TMEM131L: variants seen among roughly 807,000 people sequenced by gnomAD.
TMEM131L encodes the protein transmembrane 131 like.
In TMEM131L, 54 loss-of-function variants were observed where a neutral mutation model predicts 192.2. The ratio of observed to expected loss-of-function variants is 0.28; its 90% CI spans 0.23 to 0.35. The LOEUF (loss-of-function observed/expected upper bound fraction) is 0.35. TMEM131L is among the 10% of genes least tolerant of loss of function. TMEM131L has a pLI of 1.00. For missense variants in TMEM131L, 1,888 were observed against 1,972.9 expected, an observed-to-expected ratio of 0.96 and a Z score of 0.82; for synonymous variants, 701 against 704.9, an observed-to-expected ratio of 0.99 and a Z score of 0.09.
At chr4:153,553,664 A>AC (rs1291935003) in intron 4 of TMEM131L, among the ~76,000 whole-genome samples, 1 of 152,020 alleles carries the variant, frequency 6.6e-6, no homozygotes, top group Non-Finnish European at 1.5e-5. Context: ...GCAAATCCCA[A>AC]CCCTCTTCAT....
chr4:153,547,955 T>C (rs1026405955), intron 3 of TMEM131L, among the ~76,000 whole-genome samples: 1 of 152,264 alleles, frequency 6.6e-6, no homozygotes, highest in African/African-American at 2.4e-5. Flanking sequence ...CTGTCATTAA[T>C]TGCTTTATGC....
At chr4:153,566,494 G>GT (rs1051819981) in intron 7 of TMEM131L, among the ~76,000 whole-genome samples, 5 of 147,454 alleles carry the variant, frequency 3.4e-5, no homozygotes, top group African/African-American at 1.3e-4. Context: ...AATAAAGGTA[G>GT]TTTTGTCTTT....
Position 153,622,946 on chromosome 4 carries a change from C to G in TMEM131L, c.3908C>G (p.Ser1303Cys). ...AAGAAATGTGTGGACAAGTTCTGCT[C>G]CGATTCCAGCTCTGACTGTGGGAGC... The part of the protein sequence containing the change: ...PEKKCVDKFC[S>C]DSSSDCGSSS... Residue 1303 changes from serine to cysteine, a missense_variant, in exon 29 of 35, where the codon TCC becomes TGC. By Grantham distance (112) the Ser-to-Cys change is moderately radical. Transcript: ENST00000409959. The G allele has an allele frequency of 2.5e-6, 4 of 1,614,226 alleles. No individual in the cohort carries two copies. Among genetic ancestry groups the G allele is most frequent in the Non-Finnish European group, 3.4e-6 (4 of 1,180,040 alleles).
intron 28 of TMEM131L, 84 bp from the exon 29 acceptor site, chr4:153,622,814 C>T: frequency 1.4e-6 from 2 of 1,400,606 alleles, no homozygotes; most frequent in South Asian, 2.4e-5. Context: ...GGCCCTACTC[C>T]TCCTGTCACC....
At position 153,467,219 on chromosome 4, in the gene TMEM131L, C is replaced by T; in HGVS notation, c.133C>T (p.Pro45Ser). 6.4e-7 allele frequency: 1 copy of T among 1,551,692 alleles called. No individual in the cohort carries two copies. The highest frequency in any genetic ancestry group is 1.2e-5 in the South Asian group (1 of 84,064). The change falls in exon 2 of 35, where the codon CCG becomes TCG. Residue 45 changes from proline to serine, a missense_variant. Pro to Ser is a moderately conservative substitution (Grantham distance 74, BLOSUM62 -1). Transcript: ENST00000409959. ...PGGAQGQAIE[P>S]LPNVVELWQA... ...TTTTGGTGTTCCTGCAGCGATTGAG[C>T]CGTTGCCGAACGTGGTGGAGCTGTG...
At chr4:153,484,918 G>A (rs1732211928) in intron 3 of TMEM131L, among the ~76,000 whole-genome samples, 1 of 146,842 alleles carries the variant, frequency 6.8e-6, no homozygotes. Context: ...AGGAGATCGA[G>A]ACCATCCTGG....
intron 3 of TMEM131L, among the ~76,000 whole-genome samples, chr4:153,530,560 A>T (rs571727022): frequency 6.6e-6 from 1 of 152,308 alleles, no homozygotes; most frequent in African/African-American, 2.4e-5. Context: ...TCTTCTGTCC[A>T]GGGTAGGCTG....
intron 25 of TMEM131L, among the ~76,000 whole-genome samples, chr4:153,610,303 G>A (rs908457502): frequency 1.3e-5 from 2 of 152,228 alleles, no homozygotes; most frequent in Admixed American, 6.5e-5. Flanking sequence ...AAAGGAAGCA[G>A]TTGATAGTGA....
intron 32 of TMEM131L, chr4:153,633,351 G>A (rs1195131987): frequency 6.6e-6 from 1 of 152,382 alleles, no homozygotes; most frequent in African/African-American, 2.4e-5. Flanking sequence ...CAAGTAACTG[G>A]GACTACAGGT....
chr4:153,577,571 T>C (rs1482834452), intron 7 of TMEM131L, among the ~76,000 whole-genome samples: 1 of 152,154 alleles, frequency 6.6e-6, no homozygotes, highest in Non-Finnish European at 1.5e-5. Flanking sequence ...TGTGTTCCAA[T>C]AAAACTTTGC....
At chr4:153,503,370 A>G (rs1580086926) in intron 3 of TMEM131L, among the ~76,000 whole-genome samples, 1 of 152,324 alleles carries the variant, frequency 6.6e-6, no homozygotes, top group East Asian at 1.9e-4. Context: ...GGTAGGATAG[A>G]GTAGGATAAG....
intron 7 of TMEM131L, among the ~76,000 whole-genome samples, chr4:153,561,164 G>A (rs772150592): frequency 8.5e-5 from 13 of 152,168 alleles, no homozygotes; most frequent in African/African-American, 1.4e-4. Flanking sequence ...CATGTGCTCA[G>A]TGGCCATTTG....
intron 3 of TMEM131L, among the ~76,000 whole-genome samples, chr4:153,476,484 T>C (rs1295973495): frequency 6.6e-6 from 1 of 151,862 alleles, no homozygotes; most frequent in Non-Finnish European, 1.5e-5. Flanking sequence ...GATCACGAGG[T>C]CAGGTGATCA....
intron 7 of TMEM131L, among the ~76,000 whole-genome samples, chr4:153,573,652 A>G (rs1729742509): frequency 6.6e-6 from 1 of 152,178 alleles, no homozygotes; most frequent in African/African-American, 2.4e-5. Context: ...TTAGTCTCCC[A>G]ATTGTTTTTT....
chr4:153,603,219 T>C, intron 23 of TMEM131L, 84 bp from the exon 24 acceptor site: 1 of 1,176,066 alleles, frequency 8.5e-7, no homozygotes, highest in Non-Finnish European at 1.2e-6. Context: ...TCGTAAATCA[T>C]TCCCCACTCT....
At chr4:153,620,983 G>A (rs1252402954) in intron 27 of TMEM131L, 103 bp downstream of exon 27, 8 of 748,006 alleles carry the variant, frequency 1.1e-5, no homozygotes, top group Middle Eastern at 3.2e-4. Context: ...ATTAGATACC[G>A]ATAATATGAG....
chr4:153,636,214 C>T, intron 34 of TMEM131L, 87 bp from the exon 35 acceptor site: 1 of 1,259,556 alleles, frequency 7.9e-7, no homozygotes, highest in East Asian at 2.4e-5. Flanking sequence ...AACTTGATAG[C>T]ATTGTAGTAT....
Position 153,596,283 on chromosome 4 carries a change from T to G in TMEM131L, c.2021T>G (p.Phe674Cys). 3 of 1,613,948 alleles carry G rather than the reference T, an allele frequency of 1.9e-6. No homozygotes were observed. Among genetic ancestry groups the G allele is most frequent in the Non-Finnish European group, 1.7e-6 (2 of 1,179,842 alleles). The change falls in exon 20 of 35, where the codon TTT becomes TGT. Residue 674 changes from phenylalanine (F) to cysteine (C), a missense_variant. By Grantham distance (205) the Phe-to-Cys change is radical. Transcript: ENST00000409959. The stretch of plus-strand genomic sequence containing the variant: ...GGTACGCATTCTGAGGAATCCAGGT[T>G]TGGCATCCTCCACTTACATCTGCAG... ...YLGTHSEESR[F>C]GILHLHLQPL...
Position 153,584,919 on chromosome 4 carries a change from C to T in TMEM131L, c.1145C>T (p.Ser382Phe), listed in dbSNP as rs1468858397. The change falls in exon 12 of 35, where the codon TCT becomes TTT. Residue 382 changes from serine to phenylalanine, a missense_variant. Ser to Phe is a radical substitution (Grantham distance 155). Transcript: ENST00000409959. ...TPTLKACLFS[S>F]VAQGYFRMDS... ...ACACTAAAAGCATGCCTCTTCTCTT[C>T]TGTGGCTCAGGGGTAGGTTACTTCC... 6.2e-7 allele frequency: 1 copy of T among 1,613,244 alleles called. No individual in the cohort carries two copies. Among genetic ancestry groups the T allele is most frequent in the Non-Finnish European group, 8.5e-7 (1 of 1,179,192 alleles).
Sources: allele counts gnomAD v4.1 joint callset (sites outside exome capture counted in the v4.1 genomes callset), GRCh38; gene constraint gnomAD v4.1.1; transcripts MANE v1.5; gene names NCBI Gene and HGNC (gene_info 2026-07-23, HGNC 2026-07-21).